Variants in CDYL2 observed in about 807,000 individuals in gnomAD.
CDYL2 encodes chromodomain Y like 2.
CDYL2 carries 23 observed loss-of-function variants against 49.4 expected under a neutral mutation model. The ratio of observed to expected loss-of-function variants is 0.47; its 90% CI spans 0.34 to 0.66. The LOEUF is 0.66. Among genes scored for constraint, CDYL2 ranks in the 30% least tolerant of loss-of-function variants. The probability of loss-of-function intolerance (pLI) is 0.01; values close to 1 mark genes in which losing one functional copy is unlikely to be tolerated. For synonymous variants in CDYL2, 360 were observed against 268.8 expected (o/e 1.34, Z -3.32); for missense variants, 678 against 656.4 (o/e 1.03, Z -0.36).
chr16:80,797,079 C>G (rs909521063), intron 1 of CDYL2, among the ~76,000 whole-genome samples: 1 of 152,178 alleles, frequency 6.6e-6, no homozygotes, highest in Non-Finnish European at 1.5e-5. Flanking sequence ...TGTCCACTTT[C>G]TCCATCACAA....
intron 1 of CDYL2, among the ~76,000 whole-genome samples, chr16:80,794,577 T>C (rs1018439787): frequency 2.0e-5 from 3 of 151,974 alleles, no homozygotes; most frequent in African/African-American, 7.2e-5. Context: ...GTTGAGTTTT[T>C]TAATTATTAC....
At chr16:80,697,008 T>TA (rs112835889) in intron 1 of CDYL2, among the ~76,000 whole-genome samples, 3,493 of 148,868 alleles carry the variant, frequency 0.023, 64 homozygotes, top group African/African-American at 0.046. Context: ...ATTTTGTTTC[T>TA]AAAAAAAAAA....
At chr16:80,746,067 G>A (rs1905918888) in intron 1 of CDYL2, among the ~76,000 whole-genome samples, 1 of 152,200 alleles carries the variant, frequency 6.6e-6, no homozygotes, top group Admixed American at 6.5e-5. Context: ...AAGAGTGGAT[G>A]GAAAGGAAGC....
rs183423123 is a variant in CDYL2 at position 80,766,605 on chromosome 16, C to T, written c.24+37545G>A. ...CAATGAGGCAGGCACTACTCTTACT[C>T]AACTCCCTTTACAAATGGAGAAACT... On this transcript the variant is annotated intron_variant, in intron 1 of 6. Coordinates refer to ENST00000570137, the MANE Select transcript of CDYL2 (RefSeq NM_152342.4). Among the ~76,000 whole-genome samples, 67 of 152,296 alleles carry T rather than the reference C, an allele frequency of 4.4e-4. No individual in the cohort carries two copies. In the Middle Eastern group the frequency reaches 0.01, roughly 23 times the overall value.
At chr16:80,647,417 C>A (rs972689570) in intron 2 of CDYL2, among the ~76,000 whole-genome samples, 3 of 152,066 alleles carry the variant, frequency 2.0e-5, no homozygotes, top group Non-Finnish European at 4.4e-5. Context: ...GCAAAAAGAA[C>A]AAAACTGCAG....
chr16:80,661,357 G>T (rs939988452), intron 2 of CDYL2, among the ~76,000 whole-genome samples: 3 of 152,184 alleles, frequency 2.0e-5, no homozygotes, highest in African/African-American at 7.2e-5. Flanking sequence ...GTGTGAAATG[G>T]AGACTCCAAG....
In CDYL2 at chr16:80,718,935, GA is replaced by G. The variant is rs1904904406; in HGVS notation, c.25-33807del. Among the ~76,000 whole-genome samples, 4 of 152,308 alleles carry G rather than the reference GA, an allele frequency of 2.6e-5. No individual in the cohort carries two copies. The Middle Eastern group carries it at 0.01, about 389-fold the overall frequency. On this transcript the variant is annotated intron_variant, in intron 1 of 6. Coordinates refer to ENST00000570137, the MANE Select transcript of CDYL2 (RefSeq NM_152342.4). ...GAACAATGTAGGGATCCAGAGAGCA[GA>G]ACCAGGAAACCAGATAGAATTGTTC...
chr16:80,798,960 C>G (rs1907846478), intron 1 of CDYL2, among the ~76,000 whole-genome samples: 1 of 151,926 alleles, frequency 6.6e-6, no homozygotes, highest in African/African-American at 2.4e-5. Context: ...TCATTTAAAA[C>G]TCATAACACA....
intron 2 of CDYL2, among the ~76,000 whole-genome samples, chr16:80,671,774 G>A (rs1379084561): frequency 6.6e-6 from 1 of 152,188 alleles, no homozygotes; most frequent in East Asian, 1.9e-4. Flanking sequence ...AGAAAATTAT[G>A]CCTCACTGGT....
intron 1 of CDYL2, 82 bp from the exon 2 acceptor site, chr16:80,685,211 G>T: frequency 8.9e-7 from 1 of 1,128,574 alleles, no homozygotes; most frequent in Non-Finnish European, 1.3e-6. Flanking sequence ...ACACCATAAA[G>T]CCTTTGGGAT....
chr16:80,608,249 A>G lies in CDYL2; in HGVS notation c.1219-14T>C. On this transcript the variant is annotated splice_polypyrimidine_tract_variant and intron_variant, in intron 5 of 6. Coordinates refer to ENST00000570137, the MANE Select transcript of CDYL2 (RefSeq NM_152342.4). ...CATCTCATTGGCCTGAAAAAGCAAA[A>G]GCAGGCAAAGACTGAGGGCCTGGAG... 1 of 1,553,432 alleles carries G rather than the reference A, an allele frequency of 6.4e-7. No individual in the cohort carries two copies. Among genetic ancestry groups the G allele is most frequent in the Non-Finnish European group, 8.7e-7 (1 of 1,147,448 alleles).
At chr16:80,645,572 T>A (rs1314500191) in intron 2 of CDYL2, among the ~76,000 whole-genome samples, 3 of 152,174 alleles carry the variant, frequency 2.0e-5, no homozygotes, top group Non-Finnish European at 4.4e-5. Context: ...TGGAAGACAG[T>A]GTGGCGATTC....
intron 1 of CDYL2, among the ~76,000 whole-genome samples, chr16:80,702,899 T>C (rs986248175): frequency 6.6e-6 from 1 of 152,170 alleles, no homozygotes; most frequent in Non-Finnish European, 1.5e-5. Flanking sequence ...TGAGCCCAGA[T>C]GAAATCAACA....
intron 2 of CDYL2, among the ~76,000 whole-genome samples, chr16:80,647,902 T>G (rs1421235368): frequency 6.6e-6 from 1 of 152,024 alleles, no homozygotes; most frequent in African/African-American, 2.4e-5. Context: ...TACATGGAAA[T>G]TAAACAATAT....
intron 1 of CDYL2, among the ~76,000 whole-genome samples, chr16:80,698,366 G>C (rs1178080195): frequency 6.6e-6 from 1 of 152,132 alleles, no homozygotes; most frequent in Non-Finnish European, 1.5e-5. Context: ...CATTTGACAA[G>C]GGATTAATAT....
At chr16:80,619,985 G>A (rs906044865) in intron 4 of CDYL2, among the ~76,000 whole-genome samples, 2 of 152,186 alleles carry the variant, frequency 1.3e-5, no homozygotes, top group Admixed American at 6.5e-5. Context: ...GTGACACCAT[G>A]TGGAGTAAAT....
chr16:80,732,280 G>T (rs1905354502), intron 1 of CDYL2, among the ~76,000 whole-genome samples: 1 of 151,590 alleles, frequency 6.6e-6, no homozygotes, highest in Non-Finnish European at 1.5e-5. Flanking sequence ...ATAGTTTAAT[G>T]GGCTGCACAG....
intron 1 of CDYL2, among the ~76,000 whole-genome samples, chr16:80,720,607 G>A (rs549698196): frequency 7.9e-5 from 12 of 152,298 alleles, no homozygotes; most frequent in Middle Eastern, 3.4e-3. Flanking sequence ...TCCCTTCAAC[G>A]TGGCTTCTGA....
intron 1 of CDYL2, among the ~76,000 whole-genome samples, chr16:80,728,367 T>C (rs1042617237): frequency 2.0e-5 from 3 of 151,756 alleles, no homozygotes; most frequent in African/African-American, 4.8e-5. Context: ...ATGAAATGAA[T>C]GAAATGAAGC....
Sources: gnomAD v4.1 joint callset for allele counts (sites outside exome capture counted in the v4.1 genomes callset) on GRCh38, gnomAD v4.1.1 for gene constraint, MANE v1.5 for transcripts, NCBI Gene and HGNC (gene_info 2026-07-23, HGNC 2026-07-21) for gene names.